Variants in NCLN observed in about 807,000 individuals in gnomAD.
The protein encoded by NCLN is nicalin.
Under a neutral mutation model 69.5 loss-of-function variants are expected in NCLN, and 34 were observed. The ratio of observed to expected loss-of-function variants is 0.49; its 90% CI spans 0.37 to 0.65. The LOEUF (loss-of-function observed/expected upper bound fraction) is 0.65. NCLN is among the 30% of genes least tolerant of loss of function. NCLN has a pLI of 0.00. For synonymous variants in NCLN, 393 were observed against 358.3 expected (o/e 1.10, Z -1.09); for missense variants, 710 against 804.8 (o/e 0.88, Z 1.42).
chr19:3,205,003 C>T lies in NCLN; in HGVS notation c.1208+252C>T, dbSNP rs1180492694. Among the ~76,000 whole-genome samples the T allele has an allele frequency of 1.3e-5, 2 of 152,204 alleles. No individual in the cohort carries two copies. Among genetic ancestry groups the T allele is most frequent in the African/African-American group, 4.8e-5 (2 of 41,450 alleles). Reference sequence around the variant, plus strand: ...ATATAGGACCCCCAGACCCCGTCACCTGTTGAGTTAGGAGCAAGCAGCTCC... The same window carrying T: ...ATATAGGACCCCCAGACCCCGTCACTTGTTGAGTTAGGAGCAAGCAGCTCC... On this transcript the variant is annotated intron_variant, in intron 9 of 14. Coordinates refer to ENST00000246117, the MANE Select transcript of NCLN (RefSeq NM_020170.4). This position sits in a 1 kb window ranked among gnomAD's most constrained non-coding sequence, Gnocchi z 4.6.
chr19:3,193,486 A>G (rs499877), intron 3 of NCLN, 58 bp downstream of exon 3: 736,918 of 1,511,928 alleles, frequency 0.49, 186,522 homozygotes, highest in East Asian at 0.89. Flanking sequence ...AGGCGTCCCC[A>G]TCCCAAGGGC....
At chr19:3,201,006 C>A (rs769661946) in intron 5 of NCLN, among the ~76,000 whole-genome samples, 1 of 152,178 alleles carries the variant, frequency 6.6e-6, no homozygotes, top group Non-Finnish European at 1.5e-5. Context: ...AACAGTGTGG[C>A]CTTATTGAGA....
chr19:3,204,597 G>T lies in NCLN; in HGVS notation c.1054G>T (p.Val352Leu), dbSNP rs377357982. ...GGTGGCCGCGCACCAGTTCCCTGAG[G>T]TACGGTTCTCCATGGTGCACAAGCG... The part of the protein sequence containing the change: ...ETVAAHQFPE[V>L]RFSMVHKRIN... Residue 352 changes from valine to leucine, a missense_variant, in exon 9 of 15, where the codon GTA becomes TTA. Physicochemically the swap from Val to Leu is conservative, Grantham distance 32. Coordinates refer to ENST00000246117, the MANE Select transcript of NCLN (RefSeq NM_020170.4). 7 of 1,570,716 alleles carry T rather than the reference G, an allele frequency of 4.5e-6. No individual in the cohort carries two copies. Among genetic ancestry groups the T allele is most frequent in the East Asian group, 2.3e-5 (1 of 43,430 alleles).
At chr19:3,198,340 A>G (rs1216290949) in intron 4 of NCLN, among the ~76,000 whole-genome samples, 2 of 151,950 alleles carry the variant, frequency 1.3e-5, no homozygotes, top group Admixed American at 1.3e-4. Flanking sequence ...CCCCGTCTCT[A>G]CTAAAAAGTA....
chr19:3,206,116 G>C, intron 10 of NCLN, 36 bp from the exon 11 acceptor site: 1 of 1,554,472 alleles, frequency 6.4e-7, no homozygotes, highest in Non-Finnish European at 8.7e-7. Flanking sequence ...CACTGCAGGG[G>C]CCTGGACTCA....
chr19:3,191,403 A>G (rs1915822824), intron 1 of NCLN, among the ~76,000 whole-genome samples: 1 of 152,128 alleles, frequency 6.6e-6, no homozygotes, highest in African/African-American at 2.4e-5. Context: ...GTGGCCTTCC[A>G]GGGAAGACCC....
At chr19:3,196,060 A>C (rs2144904177) in intron 3 of NCLN, 123 bp from the exon 4 acceptor site, 1 of 551,958 alleles carries the variant, frequency 1.8e-6, no homozygotes, top group South Asian at 2.6e-5. Flanking sequence ...TCTGCTGGTC[A>C]CGTCCCCACA....
intron 5 of NCLN, among the ~76,000 whole-genome samples, chr19:3,199,369 C>T (rs996166417): frequency 5.9e-5 from 9 of 152,262 alleles, no homozygotes; most frequent in Non-Finnish European, 1.3e-4. Flanking sequence ...TGAGCTGGGA[C>T]GACAGCCCAA....
intron 5 of NCLN, 65 bp from the exon 6 acceptor site, chr19:3,201,458 C>T (rs1916123828): frequency 1.9e-5 from 23 of 1,180,330 alleles, no homozygotes; most frequent in Middle Eastern, 4.0e-4. Context: ...CTGCTGTGGG[C>T]GGAGGTCATG....
At chr19:3,204,281 TG>T in intron 8 of NCLN, 137 bp downstream of exon 8, 1 of 1,128,698 alleles carries the variant, frequency 8.9e-7, no homozygotes, top group Non-Finnish European at 1.2e-6. Flanking sequence ...GGGGTCGGGC[TG>T]GGGTGTTCTG....
intron 6 of NCLN, among the ~76,000 whole-genome samples, chr19:3,202,892 G>A (rs1052628789): frequency 1.3e-5 from 2 of 152,132 alleles, no homozygotes; most frequent in Non-Finnish European, 2.9e-5. Flanking sequence ...GAGAGGTTGG[G>A]TTTCTGGGGC....
At chr19:3,198,143 G>T (rs1051435698) in intron 4 of NCLN, among the ~76,000 whole-genome samples, 1 of 152,180 alleles carries the variant, frequency 6.6e-6, no homozygotes, top group African/African-American at 2.4e-5. Flanking sequence ...CCGAATGCCT[G>T]GCTGAGGGGC....
At chr19:3,203,611 T>G in intron 6 of NCLN, 145 bp from the exon 7 acceptor site, 1 of 698,736 alleles carries the variant, frequency 1.4e-6, no homozygotes, top group Non-Finnish European at 2.4e-6. Context: ...GGCCGAGGGG[T>G]CATGCCCCGC....
At chr19:3,201,730 C>T in intron 6 of NCLN, 104 bp downstream of exon 6, 1 of 996,494 alleles carries the variant, frequency 1.0e-6, no homozygotes, top group East Asian at 2.7e-5. Flanking sequence ...GCCTCCTGGC[C>T]CCAAAGTGGG....
chr19:3,205,952 T>C lies in NCLN; in HGVS notation c.1222T>C (p.Ser408Pro). Residue 408 changes from serine to proline, a missense_variant, in exon 10 of 15, where the codon TCT becomes CCT. By Grantham distance (74) the Ser-to-Pro change is moderately conservative. Transcript: ENST00000246117. The surrounding 1 kb of genome is among the most constrained non-coding windows in gnomAD (Gnocchi z 4.6). ...SIMDVRSRVDSKTLTRNTRII... is the reference protein window; with the variant it reads ...SIMDVRSRVDPKTLTRNTRII... ...TGAATCGTGAAGGTCCCGGGTGGATTCTAAGACCCTGACCCGTAACACGAG... is the reference window on the plus strand; with the variant it reads ...TGAATCGTGAAGGTCCCGGGTGGATCCTAAGACCCTGACCCGTAACACGAG... 6.2e-7 allele frequency: 1 copy of C among 1,613,720 alleles called. No homozygotes were observed. The highest frequency in any genetic ancestry group is 8.5e-7 in the Non-Finnish European group (1 of 1,179,952).
rs528665935 is a variant in NCLN at position 3,197,824 on chromosome 19, C to T, written c.616-993C>T. 2.1e-4 allele frequency among the ~76,000 whole-genome samples: 32 copies of T among 152,264 alleles called. No homozygotes were observed. In the South Asian group the frequency reaches 2.9e-3, roughly 14 times the overall value. ...TTGGTAGAGACGGGGTTTCACCATG[C>T]TGGCCAGGCTGGTCTGGAACTCCTG... is the stretch of plus-strand genomic sequence containing the variant. On this transcript the variant is annotated intron_variant, in intron 4 of 14. Coordinates refer to ENST00000246117, the MANE Select transcript of NCLN (RefSeq NM_020170.4).
intron 8 of NCLN, 93 bp downstream of exon 8, chr19:3,204,237 T>TCCGC (rs1255527240): frequency 7.2e-7 from 1 of 1,385,936 alleles, no homozygotes; most frequent in Non-Finnish European, 9.4e-7. Flanking sequence ...GTCCTTGCTG[T>TCCGC]CCGCCCCTCA....
At chr19:3,201,764 C>T (rs2144913101) in intron 6 of NCLN, 138 bp downstream of exon 6, 1 of 706,438 alleles carries the variant, frequency 1.4e-6, no homozygotes, top group East Asian at 2.9e-5. Context: ...ATTGGGGCGC[C>T]TTATTTATCG....
rs941657240 is a variant in NCLN, at chr19:3,205,637, C to T, written c.1209-302C>T. On this transcript the variant is annotated intron_variant, in intron 9 of 14. Coordinates refer to ENST00000246117, the MANE Select transcript of NCLN (RefSeq NM_020170.4). The surrounding 1 kb of genome is among the most constrained non-coding windows in gnomAD (Gnocchi z 4.6). ...CCCAGAATGGATTCTTCCACCAGGA[C>T]GGAATAGTCCAGTTTAAATTCTGGA... Among the ~76,000 whole-genome samples the T allele has an allele frequency of 3.3e-5, 5 of 152,290 alleles. No homozygotes were observed. The highest frequency in any genetic ancestry group is 2.1e-4 in the South Asian group (1 of 4,828).
Sources: allele counts gnomAD v4.1 joint callset (sites outside exome capture counted in the v4.1 genomes callset), GRCh38; gene constraint gnomAD v4.1.1; non-coding constraint Gnocchi (gnomAD v3.1); transcripts MANE v1.5; gene names NCBI Gene and HGNC (gene_info 2026-07-23, HGNC 2026-07-21).